PTPRO: variants seen among roughly 807,000 people sequenced by gnomAD.
PTPRO encodes the protein protein tyrosine phosphatase receptor type O.
PTPRO carries 62 observed loss-of-function variants against 145.2 expected under a neutral mutation model. That is an observed-to-expected ratio of 0.43 (90% confidence interval 0.35 to 0.53). The LOEUF is 0.53. PTPRO is among the 20% of genes least tolerant of loss of function. The pLI is 0.01. For missense variants in PTPRO, 1,345 were observed against 1,482.7 expected (o/e 0.91, Z 1.53); for synonymous variants, 565 against 514.7 (o/e 1.10, Z -1.32).
chr12:15,578,412 G>C (rs1030298551), intron 19 of PTPRO, among the ~76,000 whole-genome samples: 1 of 152,230 alleles, frequency 6.6e-6, no homozygotes, highest in South Asian at 2.1e-4. Context: ...TGTTGTATTA[G>C]ATAGCTATTA....
intron 1 of PTPRO, among the ~76,000 whole-genome samples, chr12:15,360,917 CAT>C (rs1165536369): frequency 1.7e-5 from 2 of 118,648 alleles, no homozygotes; most frequent in Non-Finnish European, 3.6e-5. Context: ...TATATACACA[CAT>C]GTATATACAC....
At chr12:15,335,382 G>GA (rs1326739179) in intron 1 of PTPRO, among the ~76,000 whole-genome samples, 3 of 151,570 alleles carry the variant, frequency 2.0e-5, no homozygotes, top group East Asian at 1.9e-4. Flanking sequence ...AAGGATTATA[G>GA]AAAAAAAAGG....
At chr12:15,423,395 G>C (rs1940199493) in intron 1 of PTPRO, among the ~76,000 whole-genome samples, 1 of 151,852 alleles carries the variant, frequency 6.6e-6, no homozygotes, top group Non-Finnish European at 1.5e-5. Context: ...AATATAAGAT[G>C]GTTTGTAATC....
At chr12:15,435,268 G>A (rs530035361) in intron 1 of PTPRO, among the ~76,000 whole-genome samples, 55 of 152,176 alleles carry the variant, frequency 3.6e-4, no homozygotes, top group South Asian at 1.2e-3. Flanking sequence ...ATGATGACCC[G>A]TAAGTCATGA....
At chr12:15,496,333 G>A (rs954839896) in intron 2 of PTPRO, among the ~76,000 whole-genome samples, 1 of 151,350 alleles carries the variant, frequency 6.6e-6, no homozygotes, top group Non-Finnish European at 1.5e-5. Flanking sequence ...GTAGAGACAG[G>A]GTTTCTCCAT....
chr12:15,554,317 T>G (rs980957173), intron 15 of PTPRO, among the ~76,000 whole-genome samples: 1 of 152,082 alleles, frequency 6.6e-6, no homozygotes, highest in Non-Finnish European at 1.5e-5. Context: ...GTTTTGGAAA[T>G]TGTATTAGTC....
At chr12:15,328,607 G>T (rs1206443721) in intron 1 of PTPRO, among the ~76,000 whole-genome samples, 4 of 152,084 alleles carry the variant, frequency 2.6e-5, no homozygotes, top group Admixed American at 1.3e-4. Context: ...CTTGAGAGCG[G>T]TATTGCAAAT....
chr12:15,462,455 G>A (rs374813586), intron 1 of PTPRO, among the ~76,000 whole-genome samples: 30 of 152,158 alleles, frequency 2.0e-4, no homozygotes, highest in East Asian at 5.8e-4. Flanking sequence ...CATCTTCACC[G>A]TCACTGGTAA....
At chr12:15,342,892 A>T (rs563818704) in intron 1 of PTPRO, among the ~76,000 whole-genome samples, 10 of 152,292 alleles carry the variant, frequency 6.6e-5, no homozygotes, top group Admixed American at 3.3e-4. Context: ...TTTCAGTGTC[A>T]CCAATTATTC....
At chr12:15,427,775 T>A (rs988457149) in intron 1 of PTPRO, among the ~76,000 whole-genome samples, 1 of 151,722 alleles carries the variant, frequency 6.6e-6, no homozygotes, top group East Asian at 1.9e-4. Context: ...TTTTTCTTGA[T>A]CTTAGGTTAT....
intron 25 of PTPRO, among the ~76,000 whole-genome samples, chr12:15,593,982 A>G (rs1191659857): frequency 6.6e-6 from 1 of 152,188 alleles, no homozygotes. Context: ...ATAAAAAGAC[A>G]TAGTTTCTAA....
At chr12:15,466,940 C>G (rs915245271) in intron 1 of PTPRO, among the ~76,000 whole-genome samples, 20 of 152,092 alleles carry the variant, frequency 1.3e-4, no homozygotes, top group African/African-American at 4.8e-4. Context: ...AATACATAGG[C>G]TTTGGGATCA....
At chr12:15,398,550 C>T (rs1217457764) in intron 1 of PTPRO, among the ~76,000 whole-genome samples, 1 of 151,122 alleles carries the variant, frequency 6.6e-6, no homozygotes, top group East Asian at 1.9e-4. Flanking sequence ...TGAACAATAA[C>T]GCCTACCACA....
Position 15,484,024 on chromosome 12 carries a change from C to T in PTPRO, c.126C>T (p.Val42=). ...VTVQDDNNIV[V]SLEASDVISP... ...TCCAAGATGATAATAACATCGTTGTCTCATTAGAAGCTTCAGACGTCATCA... is the reference window on the plus strand; with the variant it reads ...TCCAAGATGATAATAACATCGTTGTTTCATTAGAAGCTTCAGACGTCATCA... Residue 42 remains valine, a synonymous_variant, in exon 2 of 27, where the codon GTC becomes GTT. Transcript: ENST00000281171. 6.2e-7 allele frequency: 1 copy of T among 1,613,604 alleles called. No homozygotes were observed. The highest frequency in any genetic ancestry group is 1.3e-5 in the African/African-American group (1 of 74,994).
chr12:15,389,699 G>A (rs1939135597), intron 1 of PTPRO, among the ~76,000 whole-genome samples: 1 of 152,030 alleles, frequency 6.6e-6, no homozygotes, highest in African/African-American at 2.4e-5. Flanking sequence ...ACACCTTCTG[G>A]ATAGAATTTG....
intron 1 of PTPRO, among the ~76,000 whole-genome samples, chr12:15,466,130 T>A (rs1379120095): frequency 6.6e-6 from 1 of 152,188 alleles, no homozygotes; most frequent in Non-Finnish European, 1.5e-5. Flanking sequence ...ACAAGCTGAT[T>A]TTTTTAATCA....
intron 1 of PTPRO, among the ~76,000 whole-genome samples, chr12:15,475,730 C>T (rs1300054809): frequency 6.6e-6 from 1 of 152,098 alleles, no homozygotes; most frequent in Non-Finnish European, 1.5e-5. Context: ...ATTCACTAAG[C>T]ATTTAATGAA....
At chr12:15,392,885 T>C (rs1040161359) in intron 1 of PTPRO, among the ~76,000 whole-genome samples, 3 of 152,148 alleles carry the variant, frequency 2.0e-5, no homozygotes, top group Admixed American at 6.5e-5. Context: ...ACAAATCTTA[T>C]GTATCTGGTT....
chr12:15,367,747 A>T (rs957804684), intron 1 of PTPRO, among the ~76,000 whole-genome samples: 1 of 152,180 alleles, frequency 6.6e-6, no homozygotes, highest in Non-Finnish European at 1.5e-5. Flanking sequence ...AGTGTGAATC[A>T]TCTTTGACAT....
Sources: gnomAD v4.1 joint callset for allele counts (sites outside exome capture counted in the v4.1 genomes callset) on GRCh38, gnomAD v4.1.1 for gene constraint, MANE v1.5 for transcripts, NCBI Gene and HGNC (gene_info 2026-07-23, HGNC 2026-07-21) for gene names.